The following CFAP95 variants were observed in gnomAD, a reference collection of about 807,000 sequenced individuals.
CFAP95 encodes cilia and flagella associated protein 95.
At chr9:69,837,165 A>G in the CFAP95 span, among the ~76,000 whole-genome samples, 1 of 152,046 alleles carries the variant, frequency 6.6e-6, no homozygotes, top group Non-Finnish European at 1.5e-5. Context: ...AGTCTTTGCT[A>G]TTGTGAATAA....
chr9:69,861,311 C>T, the CFAP95 span, among the ~76,000 whole-genome samples: 1 of 152,152 alleles, frequency 6.6e-6, no homozygotes, highest in East Asian at 1.9e-4. Flanking sequence ...CTATTTTAGC[C>T]TCTCCTTTTG....
the CFAP95 span, among the ~76,000 whole-genome samples, chr9:69,843,316 A>C: frequency 6.6e-6 from 1 of 152,016 alleles, no homozygotes; most frequent in Non-Finnish European, 1.5e-5. Flanking sequence ...GTAACTTCTG[A>C]GGGTTGCTTA....
chr9:69,882,973 T>G, the CFAP95 span, among the ~76,000 whole-genome samples: 1 of 152,238 alleles, frequency 6.6e-6, no homozygotes. Context: ...AGAATGAATT[T>G]GGAAGTATAC....
the CFAP95 span, among the ~76,000 whole-genome samples, chr9:69,833,165 C>T: frequency 6.6e-6 from 1 of 152,068 alleles, no homozygotes; most frequent in South Asian, 2.1e-4. Flanking sequence ...TCCCTTTATC[C>T]CTTACTCCAA....
At chr9:69,833,188 C>T in the CFAP95 span, among the ~76,000 whole-genome samples, 1 of 152,130 alleles carries the variant, frequency 6.6e-6, no homozygotes, top group Admixed American at 6.5e-5. Flanking sequence ...CTCCCCTAGT[C>T]CTCAGCCCTC....
At chr9:69,851,807 G>A in the CFAP95 span, among the ~76,000 whole-genome samples, 1 of 151,618 alleles carries the variant, frequency 6.6e-6, no homozygotes, top group African/African-American at 2.4e-5. Context: ...GTTTGAGGCT[G>A]CAGTGAGCTA....
the CFAP95 span, among the ~76,000 whole-genome samples, chr9:69,827,217 AT>A: frequency 6.6e-6 from 1 of 152,348 alleles, no homozygotes; most frequent in East Asian, 1.9e-4. Flanking sequence ...TTATTTCTCA[AT>A]TTATACTTTA....
chr9:69,877,802 A>C, the CFAP95 span, among the ~76,000 whole-genome samples: 75 of 152,216 alleles, frequency 4.9e-4, no homozygotes, highest in African/African-American at 1.7e-3. Context: ...TTCTTGTTTT[A>C]CTGCATTTTC....
the CFAP95 span, among the ~76,000 whole-genome samples, chr9:69,837,882 T>C: frequency 1.3e-5 from 2 of 152,354 alleles, no homozygotes. Context: ...GTTTAAGTCT[T>C]TAATCCATCT....
chr9:69,906,008 T>G, the CFAP95 span: 1 of 1,612,870 alleles, frequency 6.2e-7, no homozygotes, highest in East Asian at 2.2e-5. Context: ...CCGTTCTCAG[T>G]TCACGGATCT....
the CFAP95 span, among the ~76,000 whole-genome samples, chr9:69,886,663 G>C: frequency 6.6e-6 from 1 of 152,170 alleles, no homozygotes; most frequent in South Asian, 2.1e-4. Context: ...GGGGTACCCT[G>C]CTGCTGGTGG....
At chr9:69,857,685 C>T in the CFAP95 span, among the ~76,000 whole-genome samples, 7 of 151,972 alleles carry the variant, frequency 4.6e-5, no homozygotes, top group Admixed American at 3.3e-4. Flanking sequence ...CTGCCACGTC[C>T]GGCTAATTTT....
chr9:69,902,109 T>G, the CFAP95 span: 7 of 251,782 alleles, frequency 2.8e-5, no homozygotes, highest in Admixed American at 2.8e-4. Flanking sequence ...GCCATCATTC[T>G]CATTCGTCTA....
the CFAP95 span, among the ~76,000 whole-genome samples, chr9:69,857,682 G>T: frequency 1.4e-4 from 22 of 151,940 alleles, no homozygotes; most frequent in African/African-American, 4.1e-4. Context: ...ATGCTGCCAC[G>T]TCCGGCTAAT....
At chr9:69,834,500 T>A in the CFAP95 span, among the ~76,000 whole-genome samples, 5 of 152,348 alleles carry the variant, frequency 3.3e-5, no homozygotes, top group East Asian at 9.6e-4. Flanking sequence ...TCAGCTGTTT[T>A]CAAAGTCATG....
At chr9:69,843,744 G>T in the CFAP95 span, among the ~76,000 whole-genome samples, 1 of 150,222 alleles carries the variant, frequency 6.7e-6, no homozygotes. Flanking sequence ...TCCCTGAGGT[G>T]ATCCTCCTAG....
the CFAP95 span, among the ~76,000 whole-genome samples, chr9:69,883,829 AAAC>A: frequency 1.3e-3 from 11 of 8,774 alleles, no homozygotes; most frequent in Non-Finnish European, 6.6e-3. Flanking sequence ...TTTTAAAAAA[AAAC>A]AATTAAAAAA....
At chr9:69,886,858 CAGA>C in the CFAP95 span, 2 of 1,613,314 alleles carry the variant, frequency 1.2e-6, no homozygotes, top group Admixed American at 1.7e-5. Flanking sequence ...ACAACGTACT[CAGA>C]AGATTATGTT....
the CFAP95 span, among the ~76,000 whole-genome samples, chr9:69,853,255 C>T: frequency 5.3e-5 from 8 of 152,228 alleles, no homozygotes; most frequent in Non-Finnish European, 7.4e-5. Flanking sequence ...CTCTTCATTC[C>T]CTGTACCAGT....
Sources: gnomAD v4.1 joint callset for allele counts (sites outside exome capture counted in the v4.1 genomes callset) on GRCh38, gnomAD v4.1.1 for gene constraint, MANE v1.5 for transcripts, NCBI Gene and HGNC (gene_info 2026-07-23, HGNC 2026-07-21) for gene names.